CDH2: variants seen among roughly 807,000 people sequenced by gnomAD.
The protein encoded by CDH2 is cadherin 2.
CDH2 carries 17 observed loss-of-function variants against 92.0 expected under a neutral mutation model. The ratio of observed to expected loss-of-function variants is 0.18; its 90% CI spans 0.13 to 0.28. CDH2 has a LOEUF of 0.28. CDH2 is among the 10% of genes least tolerant of loss of function. The pLI is 1.00. For synonymous variants in CDH2, 419 were observed against 415.9 expected, an observed-to-expected ratio of 1.01 and a Z score of -0.09; for missense variants, 862 against 1,133.1, an observed-to-expected ratio of 0.76 and a Z score of 3.44.
At chr18:28,042,547 T>C (rs1372455654) in intron 2 of CDH2, among the ~76,000 whole-genome samples, 1 of 152,198 alleles carries the variant, frequency 6.6e-6, no homozygotes, top group Non-Finnish European at 1.5e-5. Context: ...CTTATAAAAT[T>C]ATTCATTCAT....
chr18:27,982,205 CAGA>C (rs1273339029), intron 14 of CDH2, among the ~76,000 whole-genome samples: 2 of 152,170 alleles, frequency 1.3e-5, no homozygotes, highest in African/African-American at 4.8e-5. Context: ...ATAGAGCTTA[CAGA>C]TGTTTGCTAT....
chr18:28,042,299 A>C (rs1227133132), intron 2 of CDH2, among the ~76,000 whole-genome samples: 1 of 152,324 alleles, frequency 6.6e-6, no homozygotes, highest in Non-Finnish European at 1.5e-5. Flanking sequence ...TTACTTTAGT[A>C]GCATTCCAGT....
chr18:28,098,193 A>C (rs2015168204), intron 2 of CDH2, among the ~76,000 whole-genome samples: 1 of 152,206 alleles, frequency 6.6e-6, no homozygotes, highest in Admixed American at 6.5e-5. Context: ...GTATTGCTAC[A>C]CAGATATGAC....
At position 28,013,689 on chromosome 18, in the gene CDH2, T is replaced by A; in HGVS notation, c.393A>T (p.Ser131=). 1 of 1,611,868 alleles carries A rather than the reference T, an allele frequency of 6.2e-7. No individual in the cohort carries two copies. Among genetic ancestry groups the A allele is most frequent in the Non-Finnish European group, 8.5e-7 (1 of 1,177,920 alleles). The stretch of plus-strand genomic sequence containing the variant: ...CCATATTCGGATACTATACCTTCAC[T>A]GACTCCTCAGTTAAGGTTGGCTTCA... ...LSLKPTLTEE[S]VKESAEVEEI... The change falls in exon 3 of 16, where the codon TCA becomes TCT. Residue 131 remains serine, a synonymous_variant. Coordinates refer to ENST00000269141, the MANE Select transcript of CDH2 (RefSeq NM_001792.5).
intron 3 of CDH2, among the ~76,000 whole-genome samples, chr18:28,012,721 A>G (rs2013135233): frequency 1.3e-5 from 2 of 152,204 alleles, no homozygotes; most frequent in Non-Finnish European, 2.9e-5. Context: ...ATATTACCCA[A>G]TGACATGACT....
intron 2 of CDH2, among the ~76,000 whole-genome samples, chr18:28,038,435 GTGTGT>G (rs2013881716): frequency 7.3e-6 from 1 of 137,754 alleles, no homozygotes; most frequent in Admixed American, 7.0e-5. Context: ...GTGTGTGTGT[GTGTGT>G]GTGTGTGTGT....
intron 2 of CDH2, among the ~76,000 whole-genome samples, chr18:28,135,601 G>A (rs1434341030): frequency 6.6e-6 from 1 of 152,098 alleles, no homozygotes; most frequent in Non-Finnish European, 1.5e-5. Context: ...CAATATAAAT[G>A]CAAAGAGATG....
chr18:28,008,560 A>G (rs530885599), intron 5 of CDH2, among the ~76,000 whole-genome samples: 15 of 152,124 alleles, frequency 9.9e-5, no homozygotes, highest in Non-Finnish European at 2.1e-4. Flanking sequence ...ACACTTAGAC[A>G]CAGGGTGGAG....
intron 2 of CDH2, among the ~76,000 whole-genome samples, chr18:28,139,173 T>TA (rs1221481231): frequency 2.0e-5 from 3 of 152,176 alleles, no homozygotes; most frequent in Admixed American, 2.0e-4. Flanking sequence ...TGCAGGTACA[T>TA]AAAAACATCT....
chr18:28,111,891 G>T (rs2144255119), intron 2 of CDH2, among the ~76,000 whole-genome samples: 2 of 152,172 alleles, frequency 1.3e-5, no homozygotes, highest in Middle Eastern at 6.8e-3. Context: ...AGTTTAAACT[G>T]CAGTTAAAAT....
intron 2 of CDH2, among the ~76,000 whole-genome samples, chr18:28,087,241 A>C (rs925784821): frequency 2.0e-5 from 3 of 152,336 alleles, no homozygotes; most frequent in African/African-American, 7.2e-5. Flanking sequence ...CAAAACACAC[A>C]AAGGGCTGTG....
intron 1 of CDH2, among the ~76,000 whole-genome samples, chr18:28,171,846 A>G (rs1405414538): frequency 6.6e-6 from 1 of 152,192 alleles, no homozygotes; most frequent in Non-Finnish European, 1.5e-5. Context: ...AGAGTAGACT[A>G]CATCTGGACG....
intron 1 of CDH2, among the ~76,000 whole-genome samples, chr18:28,170,617 T>C (rs2016450711): frequency 6.6e-6 from 1 of 152,174 alleles, no homozygotes; most frequent in African/African-American, 2.4e-5. Flanking sequence ...AGTGCTGGGA[T>C]TACAGGCATC....
At chr18:28,168,235 G>A (rs2016414753) in intron 1 of CDH2, among the ~76,000 whole-genome samples, 1 of 152,050 alleles carries the variant, frequency 6.6e-6, no homozygotes, top group African/African-American at 2.4e-5. Context: ...AAGTAAAATA[G>A]TTCTAGGTTT....
chr18:28,086,352 T>C (rs2014927368), intron 2 of CDH2, among the ~76,000 whole-genome samples: 1 of 152,170 alleles, frequency 6.6e-6, no homozygotes, highest in Non-Finnish European at 1.5e-5. Flanking sequence ...TACTACTGTA[T>C]AGTTCCGTAA....
chr18:27,953,824 A>G (rs1028651542), intron 15 of CDH2, among the ~76,000 whole-genome samples: 3 of 152,210 alleles, frequency 2.0e-5, no homozygotes, highest in Admixed American at 1.3e-4. Flanking sequence ...AGGTCTCACC[A>G]CAGTGACTGG....
chr18:27,959,804 T>C (rs1367038743), intron 15 of CDH2, among the ~76,000 whole-genome samples: 1 of 152,132 alleles, frequency 6.6e-6, no homozygotes, highest in East Asian at 1.9e-4. Context: ...TAGCTGAAGA[T>C]ATTTGATTGC....
At chr18:27,939,226 C>T (rs1168173547) in intron 6 of CDH2, among the ~76,000 whole-genome samples, 1 of 152,124 alleles carries the variant, frequency 6.6e-6, no homozygotes, top group Admixed American at 6.6e-5. Flanking sequence ...ATGAACTAAT[C>T]ACTGTGGGTA....
intron 14 of CDH2, among the ~76,000 whole-genome samples, chr18:27,965,990 G>GAAAAAAA (rs373927434): frequency 5.1e-5 from 3 of 58,656 alleles, no homozygotes; most frequent in South Asian, 7.3e-4. Flanking sequence ...TGTCTAAAAG[G>GAAAAAAA]AAAAAAAAAA....
Sources: gnomAD v4.1 joint callset for allele counts (sites outside exome capture counted in the v4.1 genomes callset) on GRCh38, gnomAD v4.1.1 for gene constraint, MANE v1.5 for transcripts, NCBI Gene and HGNC (gene_info 2026-07-23, HGNC 2026-07-21) for gene names.